The following WAC variants were observed in gnomAD, a reference collection of about 807,000 sequenced individuals.
The protein encoded by WAC is WW domain-containing adapter protein with coiled-coil.
Under a neutral mutation model 79.6 loss-of-function variants are expected in WAC, and 11 were observed. The observed-to-expected ratio is 0.14, with a 90% confidence interval of 0.09 to 0.23. The LOEUF (loss-of-function observed/expected upper bound fraction) is 0.23. Among genes scored for constraint, WAC ranks in the 10% least tolerant of loss-of-function variants. The pLI, the probability that WAC is intolerant of heterozygous loss-of-function variation, is 1.00. For missense variants in WAC, 728 were observed against 773.5 expected (o/e 0.94, Z 0.70); for synonymous variants, 304 against 276.9 (o/e 1.10, Z -0.97).
At chr10:28,562,609 A>G (rs1838362793) in intron 3 of WAC, among the ~76,000 whole-genome samples, 1 of 152,206 alleles carries the variant, frequency 6.6e-6, no homozygotes, top group Non-Finnish European at 1.5e-5. Flanking sequence ...TATTTTCAGA[A>G]CATATTTTTA....
chr10:28,557,069 T>C (rs2132461241), intron 3 of WAC, among the ~76,000 whole-genome samples: 1 of 152,198 alleles, frequency 6.6e-6, no homozygotes, highest in African/African-American at 2.4e-5. Context: ...TTGGGAGTTT[T>C]TTTTTTTGTG....
At chr10:28,559,029 A>G (rs186005104) in intron 3 of WAC, among the ~76,000 whole-genome samples, 2 of 152,280 alleles carry the variant, frequency 1.3e-5, no homozygotes, top group Non-Finnish European at 2.9e-5. Context: ...AATATTTTCC[A>G]TGAGACACTT....
chr10:28,554,260 G>A (rs562112506), intron 3 of WAC, among the ~76,000 whole-genome samples: 1 of 152,226 alleles, frequency 6.6e-6, no homozygotes, highest in African/African-American at 2.4e-5. Flanking sequence ...TGTGGAATTT[G>A]GTATCAGCTG....
intron 7 of WAC, among the ~76,000 whole-genome samples, chr10:28,600,402 G>A (rs1840582848): frequency 6.6e-6 from 1 of 152,148 alleles, no homozygotes; most frequent in African/African-American, 2.4e-5. Context: ...TCTTATAGCT[G>A]ATGTAGATGG....
intron 3 of WAC, among the ~76,000 whole-genome samples, chr10:28,581,562 G>A (rs1261802628): frequency 6.6e-6 from 1 of 151,768 alleles, no homozygotes; most frequent in Admixed American, 6.6e-5. Context: ...TTGTTTGTTT[G>A]TTTGTTTTTT....
intron 3 of WAC, among the ~76,000 whole-genome samples, chr10:28,549,553 T>C (rs1837549393): frequency 6.6e-6 from 1 of 152,218 alleles, no homozygotes; most frequent in Admixed American, 6.5e-5. Context: ...TTGCCCTGTT[T>C]TAAAATATTG....
chr10:28,550,813 C>G (rs1837625548), intron 3 of WAC, among the ~76,000 whole-genome samples: 1 of 152,136 alleles, frequency 6.6e-6, no homozygotes, highest in African/African-American at 2.4e-5. Flanking sequence ...AGCATATAAA[C>G]TTTAAAAAAA....
At chr10:28,602,090 A>AG (rs1195288154) in intron 7 of WAC, among the ~76,000 whole-genome samples, 1 of 152,238 alleles carries the variant, frequency 6.6e-6, no homozygotes, top group Non-Finnish European at 1.5e-5. Context: ...AAAGATTGCC[A>AG]GTGCATGCTG....
intron 7 of WAC, among the ~76,000 whole-genome samples, chr10:28,607,440 A>T (rs1186423588): frequency 6.6e-6 from 1 of 152,190 alleles, no homozygotes; most frequent in Non-Finnish European, 1.5e-5. Context: ...AGTTACATTA[A>T]ATCTATATAA....
chr10:28,557,757 A>G (rs1838073242), intron 3 of WAC, among the ~76,000 whole-genome samples: 1 of 152,096 alleles, frequency 6.6e-6, no homozygotes, highest in Non-Finnish European at 1.5e-5. Context: ...ATGTCTTTGG[A>G]TAGATTTTGA....
chr10:28,548,111 C>T (rs920140119), intron 3 of WAC, among the ~76,000 whole-genome samples: 2 of 151,622 alleles, frequency 1.3e-5, no homozygotes, highest in Admixed American at 6.6e-5. Context: ...TTAGTAGAAA[C>T]AGGGTTTTAC....
chr10:28,556,388 ATTTTTTTTTTT>A lies in WAC; in HGVS notation c.274+20648_274+20658del, dbSNP rs764934182. Among the ~76,000 whole-genome samples, 285 of 55,106 alleles carry A rather than the reference ATTTTTTTTTTT, an allele frequency of 5.2e-3. 6 individuals carry two copies. The highest frequency in any genetic ancestry group is 7.3e-3 in the Non-Finnish European group (216 of 29,698). 36.2% of individuals were successfully genotyped at this position (55,106 alleles called of 152,430 possible). A position where few individuals can be genotyped will look rare whatever the true frequency, so the allele number is the denominator to read the frequency against. On this transcript the variant is annotated intron_variant, in intron 3 of 13. Coordinates refer to ENST00000354911, the MANE Select transcript of WAC (RefSeq NM_016628.5). ...TAGATTCAATTTCGTTGCCCATTAAATTTTTTTTTTTTTTTTTTTTTTTTTTTGCCATTAAG... is the reference window on the plus strand; with the variant it reads ...TAGATTCAATTTCGTTGCCCATTAAATTTTTTTTTTTTTTTTGCCATTAAG...
rs946632758 is a variant in WAC, at chr10:28,609,295, G to A, written c.1165+864G>A. ...CGAGAATCGCTTGAACCCAGGAGAC[G>A]GAGGTTGCAGTGAGCTGAGATGGTG... On this transcript the variant is annotated intron_variant, in intron 8 of 13. Transcript: ENST00000354911. Among the ~76,000 whole-genome samples the A allele has an allele frequency of 2.0e-5, 3 of 152,214 alleles. No individual in the cohort carries two copies. In the East Asian group the frequency reaches 5.8e-4, roughly 29 times the overall value.
chr10:28,600,206 G>T lies in WAC; in HGVS notation c.919+4165G>T, dbSNP rs148290213. On this transcript the variant is annotated intron_variant, in intron 7 of 13. Transcript: ENST00000354911. ...GTAATCTCAAGCTAGCTCTCCGTATGAACATGTGTAAATAATCACATACTC... is the reference window on the plus strand; with the variant it reads ...GTAATCTCAAGCTAGCTCTCCGTATTAACATGTGTAAATAATCACATACTC... 6.1e-3 allele frequency among the ~76,000 whole-genome samples: 873 copies of T among 142,994 alleles called. 3 individuals are homozygous for T. The highest frequency in any genetic ancestry group is 9.4e-3 in the Non-Finnish European group (626 of 66,308). The allele number at this position is 142,994 out of a possible 152,430, so 93.8% of individuals were successfully genotyped here.
At chr10:28,544,116 CAT>C (rs1353544976) in intron 3 of WAC, among the ~76,000 whole-genome samples, 8 of 152,214 alleles carry the variant, frequency 5.3e-5, no homozygotes, top group African/African-American at 1.7e-4. Context: ...CTCTTGGCCT[CAT>C]GTGATCCATT....
intron 10 of WAC, among the ~76,000 whole-genome samples, chr10:28,612,547 A>G (rs1375933690): frequency 6.6e-6 from 1 of 152,176 alleles, no homozygotes; most frequent in Non-Finnish European, 1.5e-5. Context: ...TGTAGGGGGA[A>G]TTTCTTTTGA....
At chr10:28,540,099 G>A (rs1314428367) in intron 3 of WAC, among the ~76,000 whole-genome samples, 1 of 152,074 alleles carries the variant, frequency 6.6e-6, no homozygotes, top group African/African-American at 2.4e-5. Context: ...TTTGAAATAT[G>A]CTTTGAGTTA....
chr10:28,596,175 TAG>T (rs1325159383), intron 7 of WAC, 134 bp downstream of exon 7: 9 of 944,800 alleles, frequency 9.5e-6, no homozygotes, highest in Non-Finnish European at 1.1e-5. Flanking sequence ...TGTTTCTGTG[TAG>T]AGTTAGGTGT....
In WAC at chr10:28,563,769, T is replaced by TTTTTTA. The variant is rs1163758803; in HGVS notation, c.275-19626_275-19625insTATTTT. On this transcript the variant is annotated intron_variant, in intron 3 of 13. Transcript: ENST00000354911. The stretch of plus-strand genomic sequence containing the variant: ...CTTTTTTTTTTTTTTTTTTTTTTTT[T>TTTTTTA]TTTTGTATTTTTAGTAGAGACGGGG... Among the ~76,000 whole-genome samples the TTTTTTA allele has an allele frequency of 9.1e-5, 11 of 120,554 alleles. 1 individual carries two copies. Among genetic ancestry groups the TTTTTTA allele is most frequent in the Non-Finnish European group, 1.3e-4 (7 of 52,980 alleles). 79.1% of individuals were successfully genotyped at this position (120,554 alleles called of 152,430 possible).
Sources: allele counts gnomAD v4.1 joint callset (sites outside exome capture counted in the v4.1 genomes callset), GRCh38; gene constraint gnomAD v4.1.1; transcripts MANE v1.5; gene names NCBI Gene and HGNC (gene_info 2026-07-23, HGNC 2026-07-21).